ZMYM5: variants seen among roughly 807,000 people sequenced by gnomAD.
The protein encoded by ZMYM5 is zinc finger MYM-type containing 5.
A neutral mutation model predicts 61.8 loss-of-function variants in ZMYM5; 41 were observed. The observed-to-expected ratio is 0.66, with a 90% CI of 0.52 to 0.86. ZMYM5 has a LOEUF of 0.86. Ranked by LOEUF, ZMYM5 falls within the 40% of genes least tolerant of loss-of-function variation. ZMYM5 has a pLI of 0.00. For synonymous variants in ZMYM5, 257 were observed against 276.4 expected, an observed-to-expected ratio of 0.93 and a Z score of 0.70; for missense variants, 706 against 786.7, an observed-to-expected ratio of 0.90 and a Z score of 1.23.
intron 4 of ZMYM5, among the ~76,000 whole-genome samples, chr13:19,845,510 G>A (rs1185167862): frequency 2.0e-5 from 3 of 152,154 alleles, no homozygotes; most frequent in African/African-American, 7.2e-5. Flanking sequence ...GTTAGCATGA[G>A]ACCCCACAAG....
chr13:19,845,648 T>A (rs10220131), intron 4 of ZMYM5, among the ~76,000 whole-genome samples: 14,961 of 152,218 alleles, frequency 0.098, 866 homozygotes, highest in African/African-American at 0.16. Context: ...CACAGAACTC[T>A]GGAAAAGCTC....
chr13:19,837,325 G>C, intron 6 of ZMYM5: 1 of 930,814 alleles, frequency 1.1e-6, no homozygotes, highest in South Asian at 2.0e-5. Context: ...GGCCCCAAGG[G>C]GTAGTTTTCC....
rs573604747 is a variant in ZMYM5 at position 19,861,646 on chromosome 13, G to T, written c.-11+753C>A. On this transcript the variant is annotated intron_variant, in intron 2 of 7. Transcript: ENST00000337963. ...TGAGCAATGGAAAACTGTTTGATCA[G>T]GGTTGAAAGGACAAAATTGGCAAGA... 4.5e-4 allele frequency among the ~76,000 whole-genome samples: 69 copies of T among 152,244 alleles called. No homozygotes were observed. The South Asian group carries it at 0.013, about 30-fold the overall frequency.
rs11449895 is a variant in ZMYM5, at chr13:19,837,024, G to GTTTTTTT, written c.1038+625_1038+631dup. On this transcript the variant is annotated intron_variant, in intron 6 of 7. Transcript: ENST00000337963. ...TTGTTAGATGGGTATGTTGTTTTTT[G>GTTTTTTT]TTTTTTTTTTTTTCTTTCTTTTTTT... Among the ~76,000 whole-genome samples, 238 of 143,938 alleles carry GTTTTTTT rather than the reference G, an allele frequency of 1.7e-3. 1 individual carries two copies. Among genetic ancestry groups the GTTTTTTT allele is most frequent in the African/African-American group, 5.8e-3 (229 of 39,632 alleles). The allele number at this position is 143,938 out of a possible 152,430, so 94.4% of individuals were successfully genotyped here. A position where few individuals can be genotyped will look rare whatever the true frequency, so the allele number is the denominator to read the frequency against.
At chr13:19,844,502 T>G (rs1953006239) in intron 4 of ZMYM5, among the ~76,000 whole-genome samples, 1 of 152,204 alleles carries the variant, frequency 6.6e-6, no homozygotes, top group African/African-American at 2.4e-5. Context: ...GAAAATTCAT[T>G]AAAAATTTCA....
At chr13:19,825,511 G>A (rs1316945618) in intron 7 of ZMYM5, among the ~76,000 whole-genome samples, 1 of 152,074 alleles carries the variant, frequency 6.6e-6, no homozygotes, top group Non-Finnish European at 1.5e-5. Context: ...CCGGGCCACA[G>A]TGGCATGCGC....
chr13:19,837,603 G>C (rs1337975237), intron 6 of ZMYM5, 53 bp downstream of exon 6: 1 of 1,604,718 alleles, frequency 6.2e-7, no homozygotes, highest in Non-Finnish European at 8.5e-7. Flanking sequence ...GCACTTAAAA[G>C]TTAAAATTAT....
Position 19,824,587 on chromosome 13 carries a change from T to C in ZMYM5, c.1900A>G (p.Lys634Glu), listed in dbSNP as rs1228110541. 1 of 1,317,386 alleles carries C rather than the reference T, an allele frequency of 7.6e-7. No homozygotes were observed. The highest frequency in any genetic ancestry group is 1.0e-6 in the Non-Finnish European group (1 of 996,552). The allele number at this position is 1,317,386 out of a possible 1,614,324, so 81.6% of individuals were successfully genotyped here. ...ESEMHVNNSVKYSKLKSDLKK... is the reference protein window; with the variant it reads ...ESEMHVNNSVEYSKLKSDLKK... ...AGATCAGATTTTAATTTTGAGTACT[T>C]AACACTATTGTTGACGTGCATTTCA... Residue 634 changes from lysine to glutamate, a missense_variant, in exon 8 of 8, where the codon AAG becomes GAG. Transcript: ENST00000337963.
chr13:19,825,348 C>A, intron 7 of ZMYM5, 113 bp from the exon 8 acceptor site: 1 of 1,019,244 alleles, frequency 9.8e-7, no homozygotes, highest in Non-Finnish European at 1.3e-6. Flanking sequence ...AAATGCCAAT[C>A]AAAAAGACGA....
intron 4 of ZMYM5, among the ~76,000 whole-genome samples, chr13:19,840,793 C>T (rs909230492): frequency 6.6e-6 from 1 of 151,880 alleles, no homozygotes; most frequent in Admixed American, 6.6e-5. Context: ...TCTCCTACCT[C>T]AAGCCTCCTG....
At chr13:19,851,501 G>A (rs1233254393) in intron 3 of ZMYM5, 53 bp from the exon 4 acceptor site, 6 of 1,592,910 alleles carry the variant, frequency 3.8e-6, no homozygotes, top group Non-Finnish European at 5.2e-6. Context: ...AAAATTACTT[G>A]ACTGAAGTCC....
chr13:19,848,539 CTT>C (rs769984165), intron 4 of ZMYM5, among the ~76,000 whole-genome samples: 1 of 148,218 alleles, frequency 6.7e-6, no homozygotes, highest in Non-Finnish European at 1.5e-5. Context: ...ACCTCAGCCT[CTT>C]TGTTTTTTTT....
In ZMYM5 at chr13:19,837,703, C is replaced by A; in HGVS notation, c.991G>T (p.Gly331Ter). 1 of 1,577,732 alleles carries A rather than the reference C, an allele frequency of 6.3e-7. No homozygotes were observed. Among genetic ancestry groups the A allele is most frequent in the Non-Finnish European group, 8.6e-7 (1 of 1,169,568 alleles). Residue 331 changes from glycine to a stop codon, truncating the protein, a stop_gained, in exon 6 of 8, where the codon GGA becomes TGA. Transcript: ENST00000337963. LOFTEE classifies it high-confidence loss of function. ...GTACATCTTGACTTATTAAAAACTC[C>A]TTTTTTAAGATTCCAGTTGTTTTCA... ...PCENNWNLKK[G>*]VFNKSRCTIC... is the part of the protein sequence containing the mutation.
chr13:19,859,280 C>T (rs1054939242), intron 2 of ZMYM5, among the ~76,000 whole-genome samples: 9 of 152,176 alleles, frequency 5.9e-5, no homozygotes, highest in Non-Finnish European at 1.0e-4. Context: ...AAAGGAAAGT[C>T]CTAAAAATAT....
intron 2 of ZMYM5, among the ~76,000 whole-genome samples, chr13:19,858,740 T>C (rs1017737909): frequency 1.3e-5 from 2 of 151,988 alleles, no homozygotes; most frequent in Admixed American, 6.6e-5. Context: ...GATGGATGAA[T>C]GGTTAACTGC....
At chr13:19,846,867 C>T (rs1176485227) in intron 4 of ZMYM5, among the ~76,000 whole-genome samples, 1 of 151,762 alleles carries the variant, frequency 6.6e-6, no homozygotes, top group Non-Finnish European at 1.5e-5. Flanking sequence ...TTTGAGGCTG[C>T]AGTGAGCTAT....
chr13:19,824,859 G>A lies in ZMYM5; in HGVS notation c.1628C>T (p.Pro543Leu), dbSNP rs1240264682. The A allele has an allele frequency of 1.5e-6, 2 of 1,353,410 alleles. No individual in the cohort carries two copies. The highest frequency in any genetic ancestry group is 2.0e-6 in the Non-Finnish European group (2 of 1,014,032). The allele number at this position is 1,353,410 out of a possible 1,614,324, so 83.8% of individuals were successfully genotyped here. The change falls in exon 8 of 8, where the codon CCT becomes CTT. Residue 543 changes from proline to leucine, a missense_variant. Coordinates refer to ENST00000337963, the MANE Select transcript of ZMYM5 (RefSeq NM_001142684.2). ...QRDTLVENVP[P>L]QVRNFNFPKD... ...TGGAAAGTTAAAATTTCTTACTTGA[G>A]GCGGAACATTTTCAACAAGAGTGTC...
chr13:19,835,969 G>C (rs533169391), intron 6 of ZMYM5, among the ~76,000 whole-genome samples: 2 of 151,820 alleles, frequency 1.3e-5, no homozygotes, highest in South Asian at 4.2e-4. Flanking sequence ...GATTACAGGC[G>C]CCCGCCACCA....
chr13:19,837,884 TTAATAA>T, intron 5 of ZMYM5, 63 bp from the exon 6 acceptor site: 3 of 1,482,206 alleles, frequency 2.0e-6, no homozygotes, highest in Non-Finnish European at 2.7e-6. Context: ...GTCAAATATA[TTAATAA>T]TAATTGCCAT....
Sources: allele counts gnomAD v4.1 joint callset (sites outside exome capture counted in the v4.1 genomes callset), GRCh38; gene constraint gnomAD v4.1.1; transcripts MANE v1.5; gene names NCBI Gene and HGNC (gene_info 2026-07-23, HGNC 2026-07-21).